RALYL: variants seen among roughly 807,000 people sequenced by gnomAD.
RALYL encodes RNA-binding Raly-like protein.
A neutral mutation model predicts 35.1 loss-of-function variants in RALYL; 29 were observed. The ratio of observed to expected loss-of-function variants is 0.83; its 90% confidence interval spans 0.61 to 1.13. The LOEUF is 1.13. Ranked by LOEUF, RALYL falls within the 50% of genes most tolerant of loss-of-function variation. RALYL has a pLI of 0.00. For synonymous variants in RALYL, 120 were observed against 127.6 expected, an observed-to-expected ratio of 0.94 and a Z score of 0.40; for missense variants, 359 against 360.4, an observed-to-expected ratio of 1.00 and a Z score of 0.03.
rs149276129 is a variant in RALYL, at chr8:84,861,897, T to G, written c.414-399T>G. ...CTTTTCCTCTTTTAAACTAATGTGC[T>G]AATAAGTGTTTGATGTGTAAGAGGA... On this transcript the variant is annotated intron_variant, in intron 5 of 8. Coordinates refer to ENST00000521268, the MANE Select transcript of RALYL (RefSeq NM_173848.7). Among the ~76,000 whole-genome samples the G allele has an allele frequency of 1.6e-3, 237 of 152,356 alleles. 2 individuals carry two copies. Among genetic ancestry groups the G allele is most frequent in the Middle Eastern group, 0.01 (3 of 294 alleles).
chr8:84,260,091 A>G (rs986843425), intron 1 of RALYL, among the ~76,000 whole-genome samples: 5 of 152,166 alleles, frequency 3.3e-5, no homozygotes, highest in Admixed American at 1.3e-4. Flanking sequence ...TACAAGTTAG[A>G]TATTTCCTGA....
intron 3 of RALYL, among the ~76,000 whole-genome samples, chr8:84,785,171 G>A (rs1279280423): frequency 1.3e-5 from 2 of 152,104 alleles, no homozygotes; most frequent in East Asian, 1.9e-4. Flanking sequence ...GGGGGTACCT[G>A]AGCAGGTCTG....
At chr8:84,677,462 A>G (rs1459420742) in intron 2 of RALYL, among the ~76,000 whole-genome samples, 2 of 152,186 alleles carry the variant, frequency 1.3e-5, no homozygotes, top group Non-Finnish European at 2.9e-5. Flanking sequence ...CTACTAAGAA[A>G]TGATATGTTA....
At chr8:84,651,829 T>C (rs189646988) in intron 2 of RALYL, among the ~76,000 whole-genome samples, 1 of 152,020 alleles carries the variant, frequency 6.6e-6, no homozygotes, top group Admixed American at 6.6e-5. Flanking sequence ...AGGAACAGGA[T>C]GTCAGATTCT....
At chr8:84,296,865 TTTGTTGCCTAAAGAG>T (rs1398395807) in intron 1 of RALYL, among the ~76,000 whole-genome samples, 2 of 151,888 alleles carry the variant, frequency 1.3e-5, no homozygotes, top group African/African-American at 2.4e-5. Flanking sequence ...TATACTTTGA[TTTGTTGCCTAAAGAG>T]TCTTAGAAAT....
At chr8:84,713,908 C>T in intron 2 of RALYL, among the ~76,000 whole-genome samples, 1 of 151,080 alleles carries the variant, frequency 6.6e-6, no homozygotes, top group African/African-American at 2.4e-5. Flanking sequence ...ATATCTCAGA[C>T]ATATACATGT....
chr8:84,641,889 CA>C (rs1826423780), intron 2 of RALYL, among the ~76,000 whole-genome samples: 1 of 151,220 alleles, frequency 6.6e-6, no homozygotes, highest in Non-Finnish European at 1.5e-5. Flanking sequence ...AAACATTTAG[CA>C]AAGGCAAATA....
chr8:84,330,849 T>C (rs1487897984), intron 1 of RALYL, among the ~76,000 whole-genome samples: 1 of 152,102 alleles, frequency 6.6e-6, no homozygotes, highest in East Asian at 1.9e-4. Flanking sequence ...AAAAAGAAAA[T>C]AGCATGAGCA....
intron 1 of RALYL, among the ~76,000 whole-genome samples, chr8:84,264,431 G>A (rs905819473): frequency 7.6e-5 from 11 of 145,618 alleles, no homozygotes; most frequent in Non-Finnish European, 1.0e-4. Context: ...GTCTGTGTCC[G>A]TTGCCCACTT....
intron 1 of RALYL, among the ~76,000 whole-genome samples, chr8:84,425,298 G>A (rs1469854808): frequency 6.6e-6 from 1 of 152,078 alleles, no homozygotes; most frequent in Non-Finnish European, 1.5e-5. Flanking sequence ...ATTCGGGTGG[G>A]AGTGACCCGA....
At chr8:84,678,599 T>A (rs1385044566) in intron 2 of RALYL, among the ~76,000 whole-genome samples, 1 of 152,094 alleles carries the variant, frequency 6.6e-6, no homozygotes, top group Non-Finnish European at 1.5e-5. Context: ...AACAAGCATA[T>A]GATAAGGAAT....
chr8:84,650,375 GA>G (rs902335859), intron 2 of RALYL, among the ~76,000 whole-genome samples: 34 of 151,736 alleles, frequency 2.2e-4, no homozygotes, highest in African/African-American at 8.2e-4. Flanking sequence ...AAATTTACAA[GA>G]AAAAAACAAA....
At chr8:84,188,377 A>G (rs1369103631) in intron 1 of RALYL, among the ~76,000 whole-genome samples, 1 of 152,092 alleles carries the variant, frequency 6.6e-6, no homozygotes, top group East Asian at 1.9e-4. Context: ...AGTAAATAAT[A>G]ACATGTTTAA....
chr8:84,780,193 G>A (rs1817770788), intron 3 of RALYL, among the ~76,000 whole-genome samples: 1 of 152,024 alleles, frequency 6.6e-6, no homozygotes, highest in Admixed American at 6.5e-5. Flanking sequence ...ACTACAGTGT[G>A]AGGAGGAGAG....
At chr8:84,494,649 C>T (rs1229224320) in intron 1 of RALYL, among the ~76,000 whole-genome samples, 1 of 152,014 alleles carries the variant, frequency 6.6e-6, no homozygotes, top group African/African-American at 2.4e-5. Context: ...ATTTTATTCT[C>T]TTTGTAGCAA....
At chr8:84,730,563 G>A (rs1250741383) in intron 2 of RALYL, among the ~76,000 whole-genome samples, 1 of 151,996 alleles carries the variant, frequency 6.6e-6, no homozygotes, top group Non-Finnish European at 1.5e-5. Flanking sequence ...GGAAATAAAG[G>A]GTATTCAATT....
intron 4 of RALYL, among the ~76,000 whole-genome samples, chr8:84,832,327 T>C (rs1226186014): frequency 6.6e-6 from 1 of 152,146 alleles, no homozygotes; most frequent in Non-Finnish European, 1.5e-5. Context: ...AAACTGATAC[T>C]AATGACCTCT....
At chr8:84,679,301 TG>T in intron 2 of RALYL, 1 of 237,406 alleles carries the variant, frequency 4.2e-6, no homozygotes, top group South Asian at 6.3e-5. Context: ...AAAAACCTGA[TG>T]TCATATACAG....
intron 2 of RALYL, among the ~76,000 whole-genome samples, chr8:84,632,003 C>G (rs1054337301): frequency 1.3e-5 from 2 of 151,642 alleles, no homozygotes; most frequent in Non-Finnish European, 1.5e-5. Context: ...CAAATTCATA[C>G]GTTGAAATTG....
Sources: allele counts gnomAD v4.1 joint callset (sites outside exome capture counted in the v4.1 genomes callset), GRCh38; gene constraint gnomAD v4.1.1; transcripts MANE v1.5; gene names NCBI Gene and HGNC (gene_info 2026-07-23, HGNC 2026-07-21).